The following CNBD1 variants were observed in gnomAD, a reference collection of about 807,000 sequenced individuals.
The protein encoded by CNBD1 is cyclic nucleotide-binding domain-containing protein 1.
Under a neutral mutation model 54.4 loss-of-function variants are expected in CNBD1, and 71 were observed. That is an observed-to-expected ratio of 1.30 (90% CI 1.08 to 1.59). The LOEUF (loss-of-function observed/expected upper bound fraction) is 1.59, where lower values mean the gene tolerates loss of function less well. CNBD1 is among the 40% of genes most tolerant of loss of function. The pLI is 0.00. For missense variants in CNBD1, 659 were observed against 518.0 expected, an observed-to-expected ratio of 1.27 and a Z score of -2.64; for synonymous variants, 182 against 170.7, an observed-to-expected ratio of 1.07 and a Z score of -0.51.
chr8:87,373,335 T>G, intron 10 of CNBD1, among the ~76,000 whole-genome samples: 1 of 151,842 alleles, frequency 6.6e-6, no homozygotes. Flanking sequence ...TATTGAAATA[T>G]ATTGTTGACC....
intron 6 of CNBD1, among the ~76,000 whole-genome samples, chr8:87,268,420 C>A (rs934036418): frequency 2.0e-5 from 3 of 151,964 alleles, no homozygotes; most frequent in African/African-American, 4.8e-5. Flanking sequence ...CATATGAGTA[C>A]ATGTGTCTTT....
intron 3 of CNBD1, among the ~76,000 whole-genome samples, chr8:86,931,090 C>T (rs1809449276): frequency 6.6e-6 from 1 of 152,128 alleles, no homozygotes; most frequent in African/African-American, 2.4e-5. Context: ...GACTTTCAGG[C>T]ATAACAAGAA....
intron 8 of CNBD1, among the ~76,000 whole-genome samples, chr8:87,306,927 A>G (rs1325308598): frequency 6.6e-6 from 1 of 152,170 alleles, no homozygotes; most frequent in Non-Finnish European, 1.5e-5. Context: ...ATAAAAGTCA[A>G]TGTACCCCAG....
At chr8:86,903,794 A>G (rs1273442682) in intron 2 of CNBD1, among the ~76,000 whole-genome samples, 1 of 152,076 alleles carries the variant, frequency 6.6e-6, no homozygotes, top group African/African-American at 2.4e-5. Context: ...TGATTCGAAT[A>G]TAACAAGTAT....
At chr8:86,882,319 A>G (rs994564629) in intron 1 of CNBD1, among the ~76,000 whole-genome samples, 26 of 152,182 alleles carry the variant, frequency 1.7e-4, no homozygotes, top group Non-Finnish European at 7.4e-5. Flanking sequence ...GAACTTAAAC[A>G]AATTTACAAG....
In CNBD1 at chr8:86,967,433, G is replaced by A. The variant is rs571080205; in HGVS notation, c.431+27679G>A. Among the ~76,000 whole-genome samples the A allele has an allele frequency of 2.2e-4, 33 of 152,356 alleles. 1 individual carries two copies. In the South Asian group the frequency reaches 6.8e-3, roughly 32 times the overall value. On this transcript the variant is annotated intron_variant, in intron 4 of 10. Coordinates refer to ENST00000518476, the MANE Select transcript of CNBD1 (RefSeq NM_173538.3). ...GCTGTGGTTTGGGTGCAACCCGGGA[G>A]CTCTGGTCCCAACTCAGAAGGGGCG... is the stretch of plus-strand genomic sequence containing the variant.
chr8:87,334,719 CTTTTCTTTT>C (rs1809907011), intron 8 of CNBD1, among the ~76,000 whole-genome samples: 4 of 126,160 alleles, frequency 3.2e-5, no homozygotes, highest in African/African-American at 9.4e-5. Context: ...TTTCTTTTTT[CTTTTCTTTT>C]TTTTTTTTTA....
At chr8:87,146,945 G>A (rs1463538456) in intron 4 of CNBD1, among the ~76,000 whole-genome samples, 1 of 152,020 alleles carries the variant, frequency 6.6e-6, no homozygotes, top group Non-Finnish European at 1.5e-5. Flanking sequence ...TTCATTATCT[G>A]CTTTAAATCT....
Position 86,887,587 on chromosome 8 carries a change from T to C in CNBD1, c.134T>C (p.Leu45Ser). 1.3e-6 allele frequency: 2 copies of C among 1,582,930 alleles called. No individual in the cohort carries two copies. Among genetic ancestry groups the C allele is most frequent in the Non-Finnish European group, 1.7e-6 (2 of 1,162,438 alleles). Reference sequence around the variant, plus strand: ...ATTAATTATGGCCAGTTGAATGCATTATGCCACATTAGAGGACAACACAGG... The same window carrying C: ...ATTAATTATGGCCAGTTGAATGCATCATGCCACATTAGAGGACAACACAGG... ...KHINYGQLNA[L>S]CHIRGQHSRS... is the part of the protein sequence containing the mutation. Residue 45 changes from leucine (L) to serine (S), a missense_variant, in exon 2 of 11, where the codon TTA (leucine) becomes TCA (serine). Transcript: ENST00000518476.
At chr8:87,020,511 G>A (rs914927214) in intron 4 of CNBD1, among the ~76,000 whole-genome samples, 1 of 151,892 alleles carries the variant, frequency 6.6e-6, no homozygotes, top group Non-Finnish European at 1.5e-5. Flanking sequence ...TGGGGACTAA[G>A]GACTAAGCTC....
At chr8:87,354,375 G>T (rs1052966226) in intron 10 of CNBD1, among the ~76,000 whole-genome samples, 11 of 151,894 alleles carry the variant, frequency 7.2e-5, no homozygotes, top group Non-Finnish European at 2.9e-5. Context: ...CCTCATGAGG[G>T]TACTTTAATT....
chr8:87,264,870 G>T (rs572201676), intron 6 of CNBD1, among the ~76,000 whole-genome samples: 2 of 151,968 alleles, frequency 1.3e-5, no homozygotes, highest in African/African-American at 2.4e-5. Context: ...TTGTAAATTT[G>T]TTTAAGTTCT....
At chr8:87,333,164 C>T (rs1398002114) in intron 8 of CNBD1, among the ~76,000 whole-genome samples, 2 of 152,066 alleles carry the variant, frequency 1.3e-5, no homozygotes, top group Non-Finnish European at 2.9e-5. Context: ...CATGATTTTG[C>T]TCTCTGCTTG....
chr8:87,339,791 C>G (rs910562644), intron 8 of CNBD1, among the ~76,000 whole-genome samples: 2 of 152,068 alleles, frequency 1.3e-5, no homozygotes, highest in Non-Finnish European at 2.9e-5. Flanking sequence ...TACAATGAGT[C>G]TACACTTTTA....
intron 4 of CNBD1, among the ~76,000 whole-genome samples, chr8:86,983,133 G>T (rs564332223): frequency 6.6e-6 from 1 of 152,222 alleles, no homozygotes; most frequent in East Asian, 1.9e-4. Context: ...GGGACCCCAT[G>T]GGGAGGTAAT....
chr8:86,887,670 T>C (rs2131787406), intron 2 of CNBD1, 59 bp downstream of exon 2: 4 of 1,249,360 alleles, frequency 3.2e-6, no homozygotes, highest in Middle Eastern at 3.7e-4. Context: ...ATTTTTGTTT[T>C]AGGGATAAAG....
chr8:87,424,012 T>C (rs1388144871), intron 2 of CNBD1, among the ~76,000 whole-genome samples: 1 of 152,242 alleles, frequency 6.6e-6, no homozygotes, highest in Admixed American at 6.5e-5. Flanking sequence ...TGGGAGAGTG[T>C]ATGTGTCAAG....
intron 2 of CNBD1, among the ~76,000 whole-genome samples, chr8:87,426,747 C>T (rs1214780353): frequency 6.6e-6 from 1 of 152,144 alleles, no homozygotes; most frequent in African/African-American, 2.4e-5. Context: ...GCACCTAGCA[C>T]TTAGTGTGCA....
At chr8:87,162,380 G>C (rs916290964) in intron 4 of CNBD1, among the ~76,000 whole-genome samples, 14 of 152,008 alleles carry the variant, frequency 9.2e-5, no homozygotes, top group South Asian at 2.1e-4. Context: ...TTTTCTTGCT[G>C]CTCTCACCAT....
Sources: allele counts gnomAD v4.1 joint callset (sites outside exome capture counted in the v4.1 genomes callset), GRCh38; gene constraint gnomAD v4.1.1; transcripts MANE v1.5; gene names NCBI Gene and HGNC (gene_info 2026-07-23, HGNC 2026-07-21).